Variants in CEP170 observed in about 807,000 individuals in gnomAD.
CEP170 encodes centrosomal protein 170, also known as centrosomal protein of 170 kDa.
A neutral mutation model predicts 151.9 loss-of-function variants in CEP170; 21 were observed. The observed-to-expected ratio is 0.14, with a 90% CI of 0.10 to 0.20. The LOEUF (loss-of-function observed/expected upper bound fraction) is 0.20. Among genes scored for constraint, CEP170 ranks in the 10% least tolerant of loss-of-function variants. The probability of loss-of-function intolerance (pLI) is 1.00; values close to 1 mark genes in which losing one functional copy is unlikely to be tolerated. For missense variants in CEP170, 964 were observed against 1,892.9 expected, an observed-to-expected ratio of 0.51 and a Z score of 9.11; for synonymous variants, 356 against 648.8, an observed-to-expected ratio of 0.55 and a Z score of 6.86.
At chr1:243,238,052 A>C (rs1316154797) in intron 1 of CEP170, among the ~76,000 whole-genome samples, 1 of 152,188 alleles carries the variant, frequency 6.6e-6, no homozygotes, top group Non-Finnish European at 1.5e-5. Context: ...TGGATGTTTA[A>C]AGTGATTAGG....
intron 10 of CEP170, among the ~76,000 whole-genome samples, chr1:243,178,813 G>C (rs1241952836): frequency 6.6e-6 from 1 of 151,944 alleles, no homozygotes; most frequent in Admixed American, 6.5e-5. Context: ...CCGCCTCCCG[G>C]GTTCAAGCGA....
intron 1 of CEP170, among the ~76,000 whole-genome samples, chr1:243,242,547 A>C (rs2149135483): frequency 6.6e-6 from 1 of 152,164 alleles, no homozygotes; most frequent in Non-Finnish European, 1.5e-5. Flanking sequence ...GTTACTCACA[A>C]TAAACACTAG....
At chr1:243,176,012 G>T (rs557305043) in intron 10 of CEP170, among the ~76,000 whole-genome samples, 1 of 152,294 alleles carries the variant, frequency 6.6e-6, no homozygotes, top group East Asian at 1.9e-4. Context: ...TAGCCAGGAT[G>T]GTCTCCATCT....
At chr1:243,231,775 A>G (rs1487131908) in intron 1 of CEP170, among the ~76,000 whole-genome samples, 1 of 152,210 alleles carries the variant, frequency 6.6e-6, no homozygotes, top group East Asian at 1.9e-4. Flanking sequence ...GAATAAAAGA[A>G]AAAACACATA....
chr1:243,131,133 G>A (rs2054355685), intron 17 of CEP170, among the ~76,000 whole-genome samples: 1 of 151,896 alleles, frequency 6.6e-6, no homozygotes, highest in Non-Finnish European at 1.5e-5. Context: ...GGTGAAAATG[G>A]GTTTTTCACG....
At chr1:243,233,868 CAAT>C (rs2064012323) in intron 1 of CEP170, among the ~76,000 whole-genome samples, 2 of 150,938 alleles carry the variant, frequency 1.3e-5, no homozygotes, top group Non-Finnish European at 2.9e-5. Context: ...TTGAGACAGG[CAAT>C]AATAAGTAAG....
chr1:243,239,159 T>C (rs1653802161), intron 1 of CEP170, among the ~76,000 whole-genome samples: 1 of 152,178 alleles, frequency 6.6e-6, no homozygotes, highest in South Asian at 2.1e-4. Context: ...CCTCCTGGAC[T>C]CCTCAGATTT....
intron 4 of CEP170, among the ~76,000 whole-genome samples, chr1:243,204,243 C>A (rs528627187): frequency 6.6e-6 from 1 of 152,228 alleles, no homozygotes; most frequent in South Asian, 2.1e-4. Flanking sequence ...TTTTTGCTTA[C>A]ATTTAACTTC....
chr1:243,201,712 C>T (rs997815315), intron 4 of CEP170, among the ~76,000 whole-genome samples: 1 of 152,038 alleles, frequency 6.6e-6, no homozygotes, highest in Non-Finnish European at 1.5e-5. Flanking sequence ...TTCTAGGTTT[C>T]TACTTGTTAA....
chr1:243,254,229 C>A (rs970843469), intron 1 of CEP170: 1 of 146,754 alleles, frequency 6.8e-6, no homozygotes, highest in African/African-American at 2.7e-5. Flanking sequence ...TAAAACTCTA[C>A]GAAACACCAC....
In CEP170 at chr1:243,204,960, C is replaced by T. The variant is rs2061315489; in HGVS notation, c.275-4125G>A. Among the ~76,000 whole-genome samples the T allele has an allele frequency of 2.6e-5, 4 of 152,084 alleles. No homozygotes were observed. In the South Asian group the frequency reaches 8.3e-4, roughly 32 times the overall value. On this transcript the variant is annotated intron_variant, in intron 4 of 19. Transcript: ENST00000366542. Reference sequence around the variant, plus strand: ...ACACATGATACAATGTTTTACAAGACAATTGGCATCAGGCAACAAAAGACA... The same window carrying T: ...ACACATGATACAATGTTTTACAAGATAATTGGCATCAGGCAACAAAAGACA...
In CEP170 at chr1:243,185,960, C is replaced by G; in HGVS notation, c.1385G>C (p.Arg462Thr). The change falls in exon 10 of 20, where the codon AGA becomes ACA. Residue 462 changes from arginine to threonine, a missense_variant. Arg to Thr is a moderately conservative substitution (Grantham distance 71). Transcript: ENST00000366542. The surrounding 1 kb of genome is among the most constrained non-coding windows in gnomAD (Gnocchi z 4.9). The part of the protein sequence containing the change: ...SIPFLQTALL[R>T]SSGSLGHRPS... ...TCTGTGCCCAAGACTCCCTGAACTT[C>G]TTAATAATGCAGTTTGTAGGAAGGG... 1 of 1,613,740 alleles carries G rather than the reference C, an allele frequency of 6.2e-7. No homozygotes were observed. The highest frequency in any genetic ancestry group is 8.5e-7 in the Non-Finnish European group (1 of 1,179,718).
chr1:243,193,831 C>A (rs1224726623), intron 7 of CEP170, among the ~76,000 whole-genome samples: 1 of 151,566 alleles, frequency 6.6e-6, no homozygotes, highest in Non-Finnish European at 1.5e-5. Flanking sequence ...TTTTCCTCAT[C>A]ATAAAGTGAG....
At position 243,165,987 on chromosome 1, in the gene CEP170, T is replaced by C. The variant is rs1254295234; in HGVS notation, c.1973A>G (p.His658Arg). ...LPNEEKSLES[H>R]RAKVVTQRSE... is the part of the protein sequence containing the mutation. The stretch of plus-strand genomic sequence containing the variant: ...CCTCTGTGTTACAACCTTTGCTCTG[T>C]GGCTCTCAAGAGACTTTTCTTCATT... Residue 658 changes from histidine to arginine, a missense_variant, in exon 13 of 20, where the codon CAC becomes CGC. His to Arg is a conservative substitution (Grantham distance 29, BLOSUM62 0). Coordinates refer to ENST00000366542, the MANE Select transcript of CEP170 (RefSeq NM_014812.3). 6.2e-7 allele frequency: 1 copy of C among 1,613,514 alleles called. No individual in the cohort carries two copies. Among genetic ancestry groups the C allele is most frequent in the Non-Finnish European group, 8.5e-7 (1 of 1,179,622 alleles).
intron 13 of CEP170, 52 bp downstream of exon 13, chr1:243,164,232 G>A (rs1475279375): frequency 7.6e-6 from 10 of 1,312,890 alleles, no homozygotes; most frequent in Non-Finnish European, 8.8e-6. Context: ...AAAAAAAGGA[G>A]CCCCCAAATA....
intron 9 of CEP170, 80 bp downstream of exon 9, chr1:243,186,179 C>T (rs761416013): frequency 2.5e-6 from 4 of 1,613,394 alleles, no homozygotes; most frequent in Non-Finnish European, 1.7e-6. Flanking sequence ...GATTCCCGCA[C>T]TTTGAGTAAA....
Position 243,128,781 on chromosome 1 carries a change from G to C in CEP170, c.4414-481C>G, listed in dbSNP as rs983059490. On this transcript the variant is annotated intron_variant, in intron 18 of 19. Transcript: ENST00000366542. ...AGAGTTTCGCCATATTGGCCAGGCT[G>C]GTCTTCAACTCCTGACCTCAAGTGA... 2.0e-3 allele frequency: 304 copies of C among 153,368 alleles called. 3 individuals are homozygous for C. The highest frequency in any genetic ancestry group is 6.7e-3 in the Middle Eastern group (2 of 298). The allele number at this position is 153,368 out of a possible 1,614,324, so 9.5% of individuals were successfully genotyped here.
intron 3 of CEP170, among the ~76,000 whole-genome samples, chr1:243,213,928 C>T (rs1572356647): frequency 6.6e-6 from 1 of 152,248 alleles, no homozygotes; most frequent in East Asian, 1.9e-4. Context: ...CCAGGCTGGT[C>T]TTGAATTCCT....
intron 1 of CEP170, among the ~76,000 whole-genome samples, chr1:243,233,947 G>A (rs1445539917): frequency 1.3e-5 from 2 of 151,756 alleles, no homozygotes; most frequent in East Asian, 1.9e-4. Context: ...CCCATAAAAA[G>A]AAACTGGTTT....
Sources: allele counts gnomAD v4.1 joint callset (sites outside exome capture counted in the v4.1 genomes callset), GRCh38; gene constraint gnomAD v4.1.1; non-coding constraint Gnocchi (gnomAD v3.1); transcripts MANE v1.5; gene names NCBI Gene and HGNC (gene_info 2026-07-23, HGNC 2026-07-21).